Variants in FCHSD2 observed in about 807,000 individuals in gnomAD.
FCHSD2 encodes the protein F-BAR and double SH3 domains protein 2.
FCHSD2 carries 38 observed loss-of-function variants against 108.1 expected under a neutral mutation model. The observed-to-expected ratio is 0.35, with a 90% CI of 0.27 to 0.46. The LOEUF is 0.46. Among genes scored for constraint, FCHSD2 ranks in the 20% least tolerant of loss-of-function variants. The probability of loss-of-function intolerance (pLI) is 1.00; values close to 1 mark genes in which losing one functional copy is unlikely to be tolerated. For missense variants in FCHSD2, 751 were observed against 897.8 expected, an observed-to-expected ratio of 0.84 and a Z score of 2.09; for synonymous variants, 279 against 314.7, an observed-to-expected ratio of 0.89 and a Z score of 1.20.
intron 5 of FCHSD2, among the ~76,000 whole-genome samples, chr11:72,990,080 T>C (rs1468268927): frequency 1.3e-5 from 2 of 152,154 alleles, no homozygotes; most frequent in African/African-American, 4.8e-5. Context: ...ATGAGACATC[T>C]AGAAGATTCT....
chr11:72,922,179 A>C (rs1855987380), intron 8 of FCHSD2, among the ~76,000 whole-genome samples: 1 of 152,216 alleles, frequency 6.6e-6, no homozygotes, highest in Non-Finnish European at 1.5e-5. Flanking sequence ...ATATTGGTAA[A>C]GCTGTGGGAA....
intron 6 of FCHSD2, among the ~76,000 whole-genome samples, chr11:72,988,099 A>G (rs1857343927): frequency 6.6e-6 from 1 of 152,200 alleles, no homozygotes; most frequent in Admixed American, 6.5e-5. Context: ...TAAAAACTGT[A>G]TTAGAAAGAT....
chr11:73,092,651 T>C (rs535609622), intron 2 of FCHSD2, among the ~76,000 whole-genome samples: 1 of 152,330 alleles, frequency 6.6e-6, no homozygotes, highest in African/African-American at 2.4e-5. Context: ...AGACTCTTCA[T>C]AAATTTGATT....
intron 13 of FCHSD2, among the ~76,000 whole-genome samples, chr11:72,850,365 T>C (rs1861252884): frequency 1.3e-5 from 2 of 151,064 alleles, no homozygotes; most frequent in South Asian, 4.2e-4. Context: ...GCACCAGGCC[T>C]AGGACAGAGA....
chr11:73,069,643 C>A (rs937154781), intron 3 of FCHSD2, among the ~76,000 whole-genome samples: 12 of 151,848 alleles, frequency 7.9e-5, no homozygotes, highest in African/African-American at 2.4e-4. Context: ...TGTGAAAAAA[C>A]CAAGAGACAT....
chr11:73,013,814 T>C (rs549487298), intron 4 of FCHSD2, among the ~76,000 whole-genome samples: 7 of 152,186 alleles, frequency 4.6e-5, no homozygotes, highest in Admixed American at 2.0e-4. Flanking sequence ...AATCCTGAAT[T>C]TTAAATAAAC....
At chr11:72,954,524 A>C (rs2135362343) in intron 8 of FCHSD2, among the ~76,000 whole-genome samples, 1 of 152,110 alleles carries the variant, frequency 6.6e-6, no homozygotes, top group South Asian at 2.1e-4. Flanking sequence ...ATTCTATTTA[A>C]AGGAATTATT....
chr11:73,112,925 C>A (rs1226942581), intron 2 of FCHSD2, among the ~76,000 whole-genome samples: 1 of 152,154 alleles, frequency 6.6e-6, no homozygotes, highest in African/African-American at 2.4e-5. Context: ...CTCGGCCTCC[C>A]AAAATGCTGG....
At chr11:72,938,191 T>G (rs1028801299) in intron 8 of FCHSD2, among the ~76,000 whole-genome samples, 2 of 151,100 alleles carry the variant, frequency 1.3e-5, no homozygotes, top group African/African-American at 2.4e-5. Flanking sequence ...TTTTTTTTTT[T>G]TTTTTTTTTG....
chr11:73,087,699 T>C (rs1005815445), intron 2 of FCHSD2, among the ~76,000 whole-genome samples: 3 of 150,248 alleles, frequency 2.0e-5, no homozygotes, highest in African/African-American at 7.4e-5. Context: ...AGCGAGGCTT[T>C]GTCTCAAAAA....
chr11:72,863,710 T>C (rs1038796797), intron 13 of FCHSD2, among the ~76,000 whole-genome samples: 1 of 152,054 alleles, frequency 6.6e-6, no homozygotes, highest in Non-Finnish European at 1.5e-5. Flanking sequence ...AAAGAAAATA[T>C]ACAGATGCAA....
chr11:72,967,872 A>G (rs1275378014), intron 8 of FCHSD2, among the ~76,000 whole-genome samples: 1 of 151,822 alleles, frequency 6.6e-6, no homozygotes. Flanking sequence ...CGGGCGGATC[A>G]CGAGGTCAGG....
intron 2 of FCHSD2, among the ~76,000 whole-genome samples, chr11:73,131,981 T>G (rs186277858): frequency 6.6e-6 from 1 of 152,200 alleles, no homozygotes; most frequent in Non-Finnish European, 1.5e-5. Context: ...CTGACATCCA[T>G]ATATTTCCAC....
chr11:73,054,763 C>A (rs974027713), intron 3 of FCHSD2, among the ~76,000 whole-genome samples: 13 of 152,052 alleles, frequency 8.5e-5, no homozygotes, highest in African/African-American at 3.1e-4. Flanking sequence ...GCAGCCTTGA[C>A]CTCCTGGTCT....
At chr11:73,109,104 T>C (rs1860420940) in intron 2 of FCHSD2, among the ~76,000 whole-genome samples, 3 of 152,258 alleles carry the variant, frequency 2.0e-5, no homozygotes. Flanking sequence ...TGTCTGTTTT[T>C]ATGCCAGTAC....
At chr11:72,943,527 A>C (rs915738490) in intron 8 of FCHSD2, among the ~76,000 whole-genome samples, 1 of 152,206 alleles carries the variant, frequency 6.6e-6, no homozygotes, top group Admixed American at 6.5e-5. Flanking sequence ...TTATTTATTA[A>C]TAGCTTTAAT....
At chr11:72,963,485 G>C (rs967698708) in intron 8 of FCHSD2, among the ~76,000 whole-genome samples, 1 of 152,112 alleles carries the variant, frequency 6.6e-6, no homozygotes, top group Non-Finnish European at 1.5e-5. Flanking sequence ...AATTTGCCTT[G>C]CTCAAAAAAA....
At chr11:72,852,914 T>A (rs1241909270) in intron 13 of FCHSD2, among the ~76,000 whole-genome samples, 1 of 152,156 alleles carries the variant, frequency 6.6e-6, no homozygotes, top group Non-Finnish European at 1.5e-5. Flanking sequence ...CTGCATGTTC[T>A]CACTAATAAG....
chr11:72,999,858 C>T (rs960718414), intron 5 of FCHSD2, among the ~76,000 whole-genome samples: 1 of 90,732 alleles, frequency 1.1e-5, no homozygotes, highest in Non-Finnish European at 2.5e-5. Flanking sequence ...CCTCTTTCTG[C>T]ACAATCAGAC....
Sources: gnomAD v4.1 joint callset for allele counts (sites outside exome capture counted in the v4.1 genomes callset) on GRCh38, gnomAD v4.1.1 for gene constraint, MANE v1.5 for transcripts, NCBI Gene and HGNC (gene_info 2026-07-23, HGNC 2026-07-21) for gene names.